Variants in ADORA2B observed in about 807,000 individuals in gnomAD.
ADORA2B encodes the protein adenosine receptor A2b.
ADORA2B carries 18 observed loss-of-function variants against 20.8 expected under a neutral mutation model. The ratio of observed to expected loss-of-function variants is 0.87; its 90% CI spans 0.60 to 1.29. The LOEUF is 1.29. Among genes scored for constraint, ADORA2B ranks in the 50% most tolerant of loss-of-function variants. ADORA2B has a pLI of 0.00. For missense variants in ADORA2B, 441 were observed against 422.7 expected, an observed-to-expected ratio of 1.04 and a Z score of -0.38; for synonymous variants, 179 against 178.3, an observed-to-expected ratio of 1.00 and a Z score of -0.03.
At chr17:15,923,405 ATATTT>A in the ADORA2B span, among the ~76,000 whole-genome samples, 8 of 120,380 alleles carry the variant, frequency 6.6e-5, no homozygotes, top group South Asian at 2.5e-4. Flanking sequence ...ATATATATAT[ATATTT>A]TTTTTTTCTT....
the ADORA2B span, among the ~76,000 whole-genome samples, chr17:15,874,466 T>C: frequency 6.6e-6 from 1 of 151,758 alleles, no homozygotes; most frequent in Non-Finnish European, 1.5e-5. Context: ...GATGGGAAGA[T>C]TATTTAAGGC....
At chr17:15,932,759 A>G in the ADORA2B span, among the ~76,000 whole-genome samples, 1 of 152,080 alleles carries the variant, frequency 6.6e-6, no homozygotes, top group African/African-American at 2.4e-5. Context: ...TTGACCATAA[A>G]TGTAAGCATT....
chr17:15,899,043 A>G, the ADORA2B span, among the ~76,000 whole-genome samples: 1 of 152,056 alleles, frequency 6.6e-6, no homozygotes, highest in Non-Finnish European at 1.5e-5. Flanking sequence ...CAGCCTGGCC[A>G]ACATGGTGAA....
the ADORA2B span, among the ~76,000 whole-genome samples, chr17:15,878,184 TACACACAC>T: frequency 0.031 from 4,499 of 143,824 alleles, 166 homozygotes; most frequent in African/African-American, 0.08. Context: ...TGTGTGTGTA[TACACACAC>T]ACACACACAC....
At position 15,962,013 on chromosome 17, in the gene ADORA2B, A is replaced by C. The variant is rs539515556; in HGVS notation, c.336-12666A>C. Reference sequence around the variant, plus strand: ...GCAACCACGGTGATTATAAAATGGTAATTTTCAGGCCGGGTGCAGTGGCTC... The same window carrying C: ...GCAACCACGGTGATTATAAAATGGTCATTTTCAGGCCGGGTGCAGTGGCTC... On this transcript the variant is annotated intron_variant, in intron 1 of 1. Transcript: ENST00000304222. Among the ~76,000 whole-genome samples the C allele has an allele frequency of 7.2e-5, 11 of 152,272 alleles. No individual in the cohort carries two copies. The Middle Eastern group carries it at 0.024, about 330-fold the overall frequency.
At chr17:15,893,164 A>G in the ADORA2B span, among the ~76,000 whole-genome samples, 1 of 152,222 alleles carries the variant, frequency 6.6e-6, no homozygotes, top group Non-Finnish European at 1.5e-5. Context: ...GTATTACACA[A>G]TATTTGTTTA....
intron 1 of ADORA2B, among the ~76,000 whole-genome samples, chr17:15,966,966 G>A (rs935128816): frequency 7.2e-5 from 11 of 152,250 alleles, no homozygotes; most frequent in Non-Finnish European, 1.3e-4. Flanking sequence ...ACGGAAGGAC[G>A]TGGCCCATGC....
At chr17:15,964,115 C>T (rs905960366) in intron 1 of ADORA2B, among the ~76,000 whole-genome samples, 1 of 152,248 alleles carries the variant, frequency 6.6e-6, no homozygotes, top group Non-Finnish European at 1.5e-5. Flanking sequence ...CCGTGCCCAT[C>T]TGCAGAGATA....
At chr17:15,973,645 C>A (rs1475203482) in intron 1 of ADORA2B, among the ~76,000 whole-genome samples, 1 of 152,168 alleles carries the variant, frequency 6.6e-6, no homozygotes, top group Non-Finnish European at 1.5e-5. Flanking sequence ...CTACGCTGTG[C>A]GCTCCTTATG....
the ADORA2B span, among the ~76,000 whole-genome samples, chr17:15,900,542 G>C: frequency 6.6e-6 from 1 of 151,980 alleles, no homozygotes; most frequent in Non-Finnish European, 1.5e-5. Context: ...GAACTCCCAG[G>C]CTAAAGTGAT....
chr17:15,967,639 G>A (rs1970137770), intron 1 of ADORA2B, among the ~76,000 whole-genome samples: 1 of 152,030 alleles, frequency 6.6e-6, no homozygotes, highest in African/African-American at 2.4e-5. Context: ...ACTCCAGCCT[G>A]GACGACAGAG....
chr17:15,869,862 G>A, the ADORA2B span, among the ~76,000 whole-genome samples: 12 of 152,268 alleles, frequency 7.9e-5, no homozygotes, highest in African/African-American at 2.6e-4. Flanking sequence ...TGCATATACT[G>A]TGTTATAACT....
upstream of ADORA2B, chr17:15,945,077 C>CG (rs780026629): frequency 1.8e-3 from 845 of 461,694 alleles, 2 homozygotes; most frequent in African/African-American, 6.5e-3. Context: ...CTCTTGGCCG[C>CG]GGGGGGCCCC....
upstream of ADORA2B, among the ~76,000 whole-genome samples, chr17:15,943,770 C>T (rs1254425819): frequency 6.6e-6 from 1 of 152,204 alleles, no homozygotes; most frequent in East Asian, 1.9e-4. Context: ...CTAAAAAATC[C>T]TTTACAAAAT....
At chr17:15,944,319 G>C (rs1368117164), upstream of ADORA2B, among the ~76,000 whole-genome samples, 1 of 152,144 alleles carries the variant, frequency 6.6e-6, no homozygotes, top group African/African-American at 2.4e-5. This position sits in a 1 kb window ranked among gnomAD's most constrained non-coding sequence, Gnocchi z 4.8. Flanking sequence ...GAGGCTGTTA[G>C]GGCTGAAGCA....
At chr17:15,932,867 A>T in the ADORA2B span, among the ~76,000 whole-genome samples, 2 of 152,176 alleles carry the variant, frequency 1.3e-5, no homozygotes, top group South Asian at 4.1e-4. Context: ...ATAAGTTTTG[A>T]AATCAAGAAA....
the ADORA2B span, among the ~76,000 whole-genome samples, chr17:15,903,195 A>G: frequency 6.6e-6 from 1 of 152,258 alleles, no homozygotes; most frequent in East Asian, 1.9e-4. Context: ...TGGACTGTCT[A>G]TTTTGGGTCT....
At chr17:15,896,015 C>G in the ADORA2B span, among the ~76,000 whole-genome samples, 2 of 152,142 alleles carry the variant, frequency 1.3e-5, no homozygotes, top group African/African-American at 4.8e-5. Flanking sequence ...CTGGTCTCCA[C>G]CTGGTATTTT....
intron 1 of ADORA2B, chr17:15,974,274 T>A (rs1220529895): frequency 1.2e-5 from 2 of 168,726 alleles, no homozygotes; most frequent in Admixed American, 1.1e-4. Context: ...AGGCCAAATT[T>A]AAAATATGTA....
Sources: allele counts gnomAD v4.1 joint callset (sites outside exome capture counted in the v4.1 genomes callset), GRCh38; gene constraint gnomAD v4.1.1; non-coding constraint Gnocchi (gnomAD v3.1); transcripts MANE v1.5; gene names NCBI Gene and HGNC (gene_info 2026-07-23, HGNC 2026-07-21).